Variants in LYPLA1 observed in about 807,000 individuals in gnomAD.
LYPLA1 encodes the protein lysophospholipase 1.
A neutral mutation model predicts 34.0 loss-of-function variants in LYPLA1; 17 were observed. The observed-to-expected ratio is 0.50, with a 90% CI of 0.34 to 0.75. The LOEUF (loss-of-function observed/expected upper bound fraction) is 0.75. Ranked by LOEUF, LYPLA1 falls within the 30% of genes least tolerant of loss-of-function variation. The pLI, the probability that LYPLA1 is intolerant of heterozygous loss-of-function variation, is 0.01. For missense variants in LYPLA1, 203 were observed against 288.8 expected (o/e 0.70, Z 2.15); for synonymous variants, 98 against 100.8 (o/e 0.97, Z 0.17).
chr8:54,083,381 C>G (rs1371945375), intron 2 of LYPLA1, among the ~76,000 whole-genome samples: 1 of 152,126 alleles, frequency 6.6e-6, no homozygotes, highest in Non-Finnish European at 1.5e-5. Flanking sequence ...CAATGAAAAG[C>G]TCAATTTTTC....
At chr8:54,082,258 G>A (rs547883733) in intron 2 of LYPLA1, among the ~76,000 whole-genome samples, 2 of 152,302 alleles carry the variant, frequency 1.3e-5, no homozygotes, top group South Asian at 4.1e-4. Context: ...TACAGCAGGA[G>A]CAGTAAGACA....
At chr8:54,097,608 C>T (rs1158042876) in intron 2 of LYPLA1, among the ~76,000 whole-genome samples, 2 of 152,108 alleles carry the variant, frequency 1.3e-5, no homozygotes, top group East Asian at 3.8e-4. Context: ...TTAAAATACC[C>T]TAGTCCTTCT....
At chr8:54,074,397 C>T (rs1040389880) in intron 2 of LYPLA1, among the ~76,000 whole-genome samples, 9 of 151,836 alleles carry the variant, frequency 5.9e-5, no homozygotes, top group African/African-American at 2.2e-4. Flanking sequence ...TGGTTCATTC[C>T]ACACAGTTAA....
chr8:54,060,011 A>C (rs1159627197), intron 5 of LYPLA1, among the ~76,000 whole-genome samples: 1 of 152,190 alleles, frequency 6.6e-6, no homozygotes, highest in East Asian at 1.9e-4. Context: ...CACACTCAAG[A>C]GTCACCAACC....
chr8:54,071,044 C>T (rs1364364901), intron 2 of LYPLA1, among the ~76,000 whole-genome samples: 3 of 152,014 alleles, frequency 2.0e-5, no homozygotes, highest in East Asian at 1.9e-4. Flanking sequence ...AAAATAAAGA[C>T]GAAGAATGCA....
At chr8:54,093,452 A>G (rs1194069615) in intron 2 of LYPLA1, among the ~76,000 whole-genome samples, 2 of 152,212 alleles carry the variant, frequency 1.3e-5, no homozygotes, top group Non-Finnish European at 2.9e-5. Flanking sequence ...ATGGTGCCTG[A>G]GGCCAAGGAA....
chr8:54,068,303 T>A (rs1161629054), intron 2 of LYPLA1, among the ~76,000 whole-genome samples: 5 of 152,162 alleles, frequency 3.3e-5, no homozygotes, highest in Admixed American at 3.3e-4. Context: ...CTCAAATTGA[T>A]CTATGGAGTC....
chr8:54,058,211 A>G (rs887495984), intron 5 of LYPLA1, among the ~76,000 whole-genome samples: 3 of 152,184 alleles, frequency 2.0e-5, no homozygotes, highest in South Asian at 2.1e-4. Context: ...TGGTTTAAAA[A>G]GTGTTTAAAA....
intron 2 of LYPLA1, among the ~76,000 whole-genome samples, chr8:54,099,505 C>T (rs548353406): frequency 6.6e-6 from 1 of 152,076 alleles, no homozygotes; most frequent in African/African-American, 2.4e-5. Flanking sequence ...TGGCAAAACT[C>T]TGTCTCTACT....
At chr8:54,063,145 C>G (rs890059759) in intron 4 of LYPLA1, among the ~76,000 whole-genome samples, 183 bp downstream of exon 4, 2 of 152,190 alleles carry the variant, frequency 1.3e-5, no homozygotes, top group Non-Finnish European at 2.9e-5. Flanking sequence ...ATTTCCTCTA[C>G]CTGTATGTAC....
At position 54,082,563 on chromosome 8, in the gene LYPLA1, C is replaced by G. The variant is rs544042233; in HGVS notation, c.102-16750G>C. 2.6e-5 allele frequency among the ~76,000 whole-genome samples: 4 copies of G among 152,300 alleles called. No individual in the cohort carries two copies. In the South Asian group the frequency reaches 8.3e-4, roughly 32 times the overall value. On this transcript the variant is annotated intron_variant, in intron 2 of 8. Transcript: ENST00000316963. The stretch of plus-strand genomic sequence containing the variant: ...CAAACTCCTGGCCTCAAGTGATCCT[C>G]CTGCCTTGGCTTTCCAAAGTGTTTG...
chr8:54,093,075 C>T (rs965103263), intron 2 of LYPLA1, among the ~76,000 whole-genome samples: 1 of 152,176 alleles, frequency 6.6e-6, no homozygotes, highest in African/African-American at 2.4e-5. Context: ...AGATTCTTGA[C>T]TGAACACCAG....
At chr8:54,059,406 G>A (rs1377955826) in intron 5 of LYPLA1, among the ~76,000 whole-genome samples, 1 of 84,484 alleles carries the variant, frequency 1.2e-5, no homozygotes, top group Non-Finnish European at 1.9e-5. Context: ...CCGGGTTCAC[G>A]CCATTCTCCT....
downstream of LYPLA1, among the ~76,000 whole-genome samples, chr8:54,044,188 T>A (rs1234769052): frequency 6.6e-6 from 1 of 152,148 alleles, no homozygotes; most frequent in Non-Finnish European, 1.5e-5. Flanking sequence ...GGAGCCACCG[T>A]GCCCAGCCTT....
Position 54,047,105 on chromosome 8 carries a change from G to T in LYPLA1, c.*960C>A, listed in dbSNP as rs1409606088. 1.3e-5 allele frequency: 2 copies of T among 152,080 alleles called. No individual in the cohort carries two copies. The highest frequency in any genetic ancestry group is 1.3e-4 in the Admixed American group (2 of 15,268). 9.4% of individuals were successfully genotyped at this position (152,080 alleles called of 1,614,324 possible). A position where few individuals can be genotyped will look rare whatever the true frequency, so the allele number is the denominator to read the frequency against. ...CTTAAAGATATTTCAGAACATACTA[G>T]AATATGATCTAATTATTCTTTCAGT... On this transcript the variant is annotated 3_prime_UTR_variant, in exon 9 of 9. Coordinates refer to ENST00000316963, the MANE Select transcript of LYPLA1 (RefSeq NM_006330.4).
chr8:54,043,400 T>C (rs1805419899), downstream of LYPLA1, among the ~76,000 whole-genome samples: 1 of 151,688 alleles, frequency 6.6e-6, no homozygotes, highest in Non-Finnish European at 1.5e-5. Context: ...CTCAGCCTCC[T>C]GAGTAGCTGG....
intron 2 of LYPLA1, among the ~76,000 whole-genome samples, chr8:54,081,268 TTAA>T (rs1244162423): frequency 6.6e-6 from 1 of 152,124 alleles, no homozygotes; most frequent in Non-Finnish European, 1.5e-5. Flanking sequence ...TCAATAATTA[TTAA>T]TATTATTTAT....
intron 5 of LYPLA1, among the ~76,000 whole-genome samples, chr8:54,059,497 G>C (rs921526575): frequency 2.3e-5 from 2 of 86,778 alleles, no homozygotes; most frequent in Non-Finnish European, 3.8e-5. Context: ...GTAGAGACGG[G>C]GTTTCACCTT....
intron 5 of LYPLA1, among the ~76,000 whole-genome samples, chr8:54,060,674 A>G (rs2129331277): frequency 6.6e-6 from 1 of 150,722 alleles, no homozygotes; most frequent in East Asian, 2.0e-4. Flanking sequence ...ACTAACATTA[A>G]CAACTTTTTT....
Sources: allele counts gnomAD v4.1 joint callset (sites outside exome capture counted in the v4.1 genomes callset), GRCh38; gene constraint gnomAD v4.1.1; transcripts MANE v1.5; gene names NCBI Gene and HGNC (gene_info 2026-07-23, HGNC 2026-07-21).